Variants in ATXN1 observed in about 807,000 individuals in gnomAD.
The protein encoded by ATXN1 is ataxin 1, also known as ataxin-1.
A neutral mutation model predicts 56.4 loss-of-function variants in ATXN1; 8 were observed. The ratio of observed to expected loss-of-function variants is 0.14; its 90% CI spans 0.08 to 0.26. The LOEUF (loss-of-function observed/expected upper bound fraction) is 0.26. ATXN1 is among the 10% of genes least tolerant of loss of function. ATXN1 has a pLI of 1.00. For missense variants in ATXN1, 987 were observed against 1,106.5 expected, an observed-to-expected ratio of 0.89 and a Z score of 1.53; for synonymous variants, 514 against 494.6, an observed-to-expected ratio of 1.04 and a Z score of -0.52.
At chr6:16,713,105 G>C (rs1759561510) in intron 2 of ATXN1, among the ~76,000 whole-genome samples, 1 of 152,224 alleles carries the variant, frequency 6.6e-6, no homozygotes. Context: ...AGAATCGCTA[G>C]GAGTATTAAC....
At chr6:16,427,072 G>A (rs572567511) in intron 6 of ATXN1, among the ~76,000 whole-genome samples, 56 of 152,214 alleles carry the variant, frequency 3.7e-4, no homozygotes, top group Admixed American at 9.8e-4. Context: ...GGATGGACAC[G>A]GTCTAGATCC....
intron 2 of ATXN1, among the ~76,000 whole-genome samples, chr6:16,692,048 G>C (rs1400168365): frequency 6.6e-6 from 1 of 152,240 alleles, no homozygotes; most frequent in Non-Finnish European, 1.5e-5. Context: ...CAGATCACCT[G>C]ACATCAGGAG....
intron 6 of ATXN1, among the ~76,000 whole-genome samples, chr6:16,481,870 C>T (rs548743539): frequency 4.1e-4 from 63 of 152,114 alleles, no homozygotes; most frequent in Non-Finnish European, 7.5e-4. Context: ...AAAACCACCG[C>T]CGTTCACAGA....
intron 6 of ATXN1, among the ~76,000 whole-genome samples, chr6:16,395,036 G>A (rs1007452123): frequency 2.0e-5 from 3 of 151,956 alleles, no homozygotes; most frequent in African/African-American, 7.2e-5. Flanking sequence ...AAAAACTCCT[G>A]AGGCGAGGCG....
In ATXN1 at chr6:16,469,243, A is replaced by G. The variant is rs138367568; in HGVS notation, c.-161+16729T>C. Among the ~76,000 whole-genome samples, 5 of 152,376 alleles carry G rather than the reference A, an allele frequency of 3.3e-5. 1 individual carries two copies. In the East Asian group the frequency reaches 9.6e-4, roughly 29 times the overall value. ...GCAATTATACAAGAGTCTTGCCCTTAAGAAGCTTCTATTCTATCAGGAGAA... is the reference window on the plus strand; with the variant it reads ...GCAATTATACAAGAGTCTTGCCCTTGAGAAGCTTCTATTCTATCAGGAGAA... On this transcript the variant is annotated intron_variant, in intron 6 of 7. Transcript: ENST00000436367.
chr6:16,481,717 A>AT (rs1424734465), intron 6 of ATXN1, among the ~76,000 whole-genome samples: 14 of 151,998 alleles, frequency 9.2e-5, no homozygotes, highest in African/African-American at 3.1e-4. Context: ...CCAGCACACC[A>AT]TTTTTTCATT....
chr6:16,348,239 C>G (rs1318223526), intron 6 of ATXN1, among the ~76,000 whole-genome samples: 1 of 152,114 alleles, frequency 6.6e-6, no homozygotes, highest in Non-Finnish European at 1.5e-5. Flanking sequence ...ACATTTTAAA[C>G]TTTTTTATTC....
chr6:16,707,778 A>G (rs1759437858), intron 2 of ATXN1, among the ~76,000 whole-genome samples: 2 of 152,150 alleles, frequency 1.3e-5, no homozygotes, highest in Non-Finnish European at 2.9e-5. Flanking sequence ...ATTACTGATA[A>G]TTTTTAGACA....
chr6:16,594,366 C>T (rs952636635), intron 3 of ATXN1, among the ~76,000 whole-genome samples: 6 of 151,912 alleles, frequency 3.9e-5, no homozygotes, highest in Admixed American at 3.9e-4. Context: ...TACACTCCCA[C>T]CAGCAGTGCA....
chr6:16,544,736 G>A (rs1417521953), intron 4 of ATXN1, among the ~76,000 whole-genome samples: 1 of 152,134 alleles, frequency 6.6e-6, no homozygotes, highest in Non-Finnish European at 1.5e-5. Flanking sequence ...CTCCTTGCCT[G>A]CAGCTTGCAT....
At chr6:16,562,625 T>C (rs1183455845) in intron 4 of ATXN1, among the ~76,000 whole-genome samples, 2 of 152,064 alleles carry the variant, frequency 1.3e-5, no homozygotes, top group African/African-American at 2.4e-5. Context: ...AAAAGCTTAC[T>C]AGTTTGAGTC....
At chr6:16,563,733 G>T (rs938586906) in intron 4 of ATXN1, among the ~76,000 whole-genome samples, 10 of 152,134 alleles carry the variant, frequency 6.6e-5, no homozygotes, top group African/African-American at 2.4e-4. Context: ...AAGTCTTAAG[G>T]TGAGGAGATG....
chr6:16,743,066 T>C (rs3828870), intron 2 of ATXN1, among the ~76,000 whole-genome samples: 15,571 of 152,256 alleles, frequency 0.1, 1,470 homozygotes, highest in East Asian at 0.36. Flanking sequence ...ATTCATTCGA[T>C]GCAATAGCTG....
At chr6:16,626,669 C>A (rs1763413164) in intron 3 of ATXN1, among the ~76,000 whole-genome samples, 1 of 152,286 alleles carries the variant, frequency 6.6e-6, no homozygotes, top group South Asian at 2.1e-4. Flanking sequence ...TTTTTTCCCC[C>A]CACAACCACT....
chr6:16,411,125 C>CAAAAAAAAA (rs746717153), intron 6 of ATXN1, among the ~76,000 whole-genome samples: 5 of 80,646 alleles, frequency 6.2e-5, no homozygotes, highest in African/African-American at 9.4e-5. Flanking sequence ...ACCTCTGTGT[C>CAAAAAAAAA]AAAAAAAAAA....
At chr6:16,665,479 T>C (rs1170428133) in intron 2 of ATXN1, among the ~76,000 whole-genome samples, 1 of 147,520 alleles carries the variant, frequency 6.8e-6, no homozygotes, top group Non-Finnish European at 1.5e-5. Flanking sequence ...AATAGGTAAA[T>C]AATGTCTTAG....
At chr6:16,727,465 C>T (rs1173785103) in intron 2 of ATXN1, among the ~76,000 whole-genome samples, 1 of 151,914 alleles carries the variant, frequency 6.6e-6, no homozygotes, top group Non-Finnish European at 1.5e-5. Context: ...GAAAACAAGT[C>T]CAAATTACAA....
At chr6:16,576,749 C>G (rs1177260477) in intron 4 of ATXN1, among the ~76,000 whole-genome samples, 1 of 152,160 alleles carries the variant, frequency 6.6e-6, no homozygotes, top group Admixed American at 6.5e-5. Flanking sequence ...TACACATATT[C>G]ATGAATGCAC....
intron 3 of ATXN1, among the ~76,000 whole-genome samples, chr6:16,647,813 C>T (rs1000472169): frequency 2.6e-5 from 4 of 152,230 alleles, no homozygotes; most frequent in Admixed American, 2.0e-4. Context: ...CAGTGGCTCA[C>T]GCCTGTAATC....
Sources: allele counts gnomAD v4.1 joint callset (sites outside exome capture counted in the v4.1 genomes callset), GRCh38; gene constraint gnomAD v4.1.1; transcripts MANE v1.5; gene names NCBI Gene and HGNC (gene_info 2026-07-23, HGNC 2026-07-21).